IPPK: variants seen among roughly 807,000 people sequenced by gnomAD.
The protein encoded by IPPK is inositol-pentakisphosphate 2-kinase.
IPPK carries 22 observed loss-of-function variants against 64.6 expected under a neutral mutation model. The ratio of observed to expected loss-of-function variants is 0.34; its 90% CI spans 0.24 to 0.49. The LOEUF (loss-of-function observed/expected upper bound fraction) is 0.49, where lower values mean the gene tolerates loss of function less well. Among genes scored for constraint, IPPK ranks in the 20% least tolerant of loss-of-function variants. The pLI, the probability that IPPK is intolerant of heterozygous loss-of-function variation, is 0.99. For missense variants in IPPK, 532 were observed against 630.7 expected (o/e 0.84, Z 1.68); for synonymous variants, 262 against 247.2 (o/e 1.06, Z -0.56).
At chr9:92,658,820 G>A in intron 1 of IPPK, 139 bp from the exon 2 acceptor site, 1 of 751,756 alleles carries the variant, frequency 1.3e-6, no homozygotes, top group Non-Finnish European at 2.2e-6. Flanking sequence ...AGCCCCCAGG[G>A]CAGGGAGGCC....
intron 1 of IPPK, among the ~76,000 whole-genome samples, chr9:92,662,883 C>T (rs1442579082): frequency 6.6e-6 from 1 of 152,198 alleles, no homozygotes; most frequent in South Asian, 2.1e-4. Flanking sequence ...GTAGGTGGCA[C>T]AGCCATGTGG....
intron 12 of IPPK, chr9:92,618,846 TAGA>T: frequency 2.8e-6 from 1 of 351,022 alleles, no homozygotes; most frequent in South Asian, 2.2e-5. Flanking sequence ...GAACACATGT[TAGA>T]AGAATGTGGA....
At chr9:92,624,899 C>T (rs1851707237) in intron 11 of IPPK, among the ~76,000 whole-genome samples, 3 of 135,868 alleles carry the variant, frequency 2.2e-5, no homozygotes, top group East Asian at 6.2e-4. Context: ...AAATATTACA[C>T]AGAGCTAAAA....
At chr9:92,628,540 A>C (rs1340939098) in intron 11 of IPPK, among the ~76,000 whole-genome samples, 1 of 152,214 alleles carries the variant, frequency 6.6e-6, no homozygotes, top group African/African-American at 2.4e-5. Flanking sequence ...ATTTTCAAGA[A>C]GGATGTTAAG....
At chr9:92,642,887 G>T in intron 6 of IPPK, 77 bp from the exon 7 acceptor site, 1 of 1,138,018 alleles carries the variant, frequency 8.8e-7, no homozygotes, top group Non-Finnish European at 1.3e-6. Context: ...ACACAGAACA[G>T]CATCAGTGAT....
intron 1 of IPPK, among the ~76,000 whole-genome samples, chr9:92,665,899 C>T (rs566350929): frequency 3.7e-4 from 56 of 152,172 alleles, no homozygotes; most frequent in Non-Finnish European, 6.3e-4. Flanking sequence ...GGCACCTGAC[C>T]GCTTGAGCTT....
intron 6 of IPPK, among the ~76,000 whole-genome samples, chr9:92,647,222 G>C (rs1317843497): frequency 6.6e-6 from 1 of 152,112 alleles, no homozygotes; most frequent in African/African-American, 2.4e-5. Context: ...ACCCACTCAG[G>C]AAATAAGAGA....
intron 1 of IPPK, among the ~76,000 whole-genome samples, chr9:92,669,508 C>T (rs960363857): frequency 2.0e-5 from 3 of 152,174 alleles, no homozygotes; most frequent in Non-Finnish European, 4.4e-5. Context: ...GCCCTCCGTC[C>T]CAACCAAGCC....
intron 11 of IPPK, among the ~76,000 whole-genome samples, chr9:92,627,633 C>T (rs1477649000): frequency 6.6e-6 from 1 of 152,160 alleles, no homozygotes; most frequent in African/African-American, 2.4e-5. Flanking sequence ...ATAGAAAAGG[C>T]ATCTAACAGA....
At chr9:92,630,529 T>C (rs1050439572) in intron 11 of IPPK, among the ~76,000 whole-genome samples, 2 of 152,152 alleles carry the variant, frequency 1.3e-5, no homozygotes, top group African/African-American at 4.8e-5. Context: ...AACTGTATGG[T>C]ATATAAATTA....
At chr9:92,642,671 C>G in intron 7 of IPPK, 81 bp downstream of exon 7, 52 of 1,134,078 alleles carry the variant, frequency 4.6e-5, no homozygotes, top group Non-Finnish European at 5.5e-5. Flanking sequence ...TCACGAAATA[C>G]CCCCCACCAG....
intron 1 of IPPK, among the ~76,000 whole-genome samples, chr9:92,669,330 A>T (rs72756448): frequency 0.04 from 6,027 of 152,296 alleles, 183 homozygotes; most frequent in South Asian, 0.11. Context: ...CCCTCGTTGA[A>T]TTCAGGTGAA....
intron 2 of IPPK, among the ~76,000 whole-genome samples, chr9:92,656,881 C>T (rs954815767): frequency 2.6e-5 from 4 of 152,176 alleles, no homozygotes. Flanking sequence ...TGAAAACCTC[C>T]GACATCTCAC....
chr9:92,665,017 C>T (rs917386673), intron 1 of IPPK, among the ~76,000 whole-genome samples: 1 of 152,122 alleles, frequency 6.6e-6, no homozygotes, highest in Admixed American at 6.5e-5. Flanking sequence ...AACAGCAGAC[C>T]TCATCACGCA....
At chr9:92,660,414 C>T (rs1245405917) in intron 1 of IPPK, among the ~76,000 whole-genome samples, 1 of 152,230 alleles carries the variant, frequency 6.6e-6, no homozygotes, top group Non-Finnish European at 1.5e-5. Context: ...GGGCAAACCC[C>T]GCCACCCACA....
At chr9:92,663,029 A>C (rs72756441) in intron 1 of IPPK, among the ~76,000 whole-genome samples, 6,036 of 152,284 alleles carry the variant, frequency 0.04, 183 homozygotes, top group South Asian at 0.11. Flanking sequence ...CACTGGGAAC[A>C]CGTGAGCACC....
At chr9:92,662,849 C>A (rs2131464189) in intron 1 of IPPK, among the ~76,000 whole-genome samples, 1 of 152,332 alleles carries the variant, frequency 6.6e-6, no homozygotes, top group East Asian at 1.9e-4. Context: ...CAATAAAAAT[C>A]CCTTTCTGGG....
At position 92,669,996 on chromosome 9, in the gene IPPK, C is replaced by T; in HGVS notation, c.-8G>A. 1 of 1,607,910 alleles carries T rather than the reference C, an allele frequency of 6.2e-7. No homozygotes were observed. Among genetic ancestry groups the T allele is most frequent in the Non-Finnish European group, 8.5e-7 (1 of 1,177,004 alleles). On this transcript the variant is annotated 5_prime_UTR_variant, in exon 1 of 13. Transcript: ENST00000287996. ...CATCTTCCCCTCTTCCATGCCCAGG[C>T]GCAGCCCTGGCGCCTCGCGGGCTAG...
chr9:92,617,569 G>A (rs1851480926), intron 12 of IPPK: 3 of 153,168 alleles, frequency 2.0e-5, no homozygotes, highest in Admixed American at 1.9e-4. Flanking sequence ...TGTGCCACAA[G>A]TGTGCCCTCT....
Sources: allele counts gnomAD v4.1 joint callset (sites outside exome capture counted in the v4.1 genomes callset), GRCh38; gene constraint gnomAD v4.1.1; transcripts MANE v1.5; gene names NCBI Gene and HGNC (gene_info 2026-07-23, HGNC 2026-07-21).